The following UBAC2 variants were observed in gnomAD, a reference collection of about 807,000 sequenced individuals.
The protein encoded by UBAC2 is UBA domain containing 2.
Under a neutral mutation model 44.0 loss-of-function variants are expected in UBAC2, and 26 were observed. The ratio of observed to expected loss-of-function variants is 0.59; its 90% CI spans 0.43 to 0.82. The LOEUF is 0.82. UBAC2 is among the 40% of genes least tolerant of loss of function. UBAC2 has a pLI of 0.00. For synonymous variants in UBAC2, 155 were observed against 154.3 expected (o/e 1.00, Z -0.04); for missense variants, 329 against 419.4 (o/e 0.78, Z 1.88).
intron 6 of UBAC2, among the ~76,000 whole-genome samples, chr13:99,323,786 C>T (rs1282608190): frequency 6.6e-6 from 1 of 152,190 alleles, no homozygotes; most frequent in Non-Finnish European, 1.5e-5. Flanking sequence ...GCAATTGCAA[C>T]TCAGGCCCAG....
chr13:99,263,816 TACAC>T (rs1182657040), intron 4 of UBAC2, among the ~76,000 whole-genome samples: 1 of 152,208 alleles, frequency 6.6e-6, no homozygotes, highest in African/African-American at 2.4e-5. Context: ...CAATTGATGA[TACAC>T]AGGGCAGATA....
At chr13:99,313,830 A>G (rs192385643) in intron 4 of UBAC2, among the ~76,000 whole-genome samples, 5 of 152,332 alleles carry the variant, frequency 3.3e-5, no homozygotes, top group Admixed American at 2.0e-4. Context: ...CATAGCCTCC[A>G]CTTTTCTCAC....
chr13:99,235,841 G>A (rs1594029628), intron 1 of UBAC2, among the ~76,000 whole-genome samples: 1 of 152,058 alleles, frequency 6.6e-6, no homozygotes. Flanking sequence ...GGTGGCTTGT[G>A]CCTGTAGTCC....
chr13:99,304,369 G>A (rs1430280023), intron 4 of UBAC2, among the ~76,000 whole-genome samples: 2 of 152,116 alleles, frequency 1.3e-5, no homozygotes, highest in African/African-American at 2.4e-5. Context: ...GAAAGGCAGT[G>A]TGGGTGTATT....
chr13:99,229,336 A>G (rs2043147392), intron 1 of UBAC2, among the ~76,000 whole-genome samples: 1 of 152,232 alleles, frequency 6.6e-6, no homozygotes, highest in African/African-American at 2.4e-5. Flanking sequence ...CTAATAAGGA[A>G]GGCATTGATG....
chr13:99,259,457 G>C (rs902157450), intron 4 of UBAC2, among the ~76,000 whole-genome samples: 1 of 151,796 alleles, frequency 6.6e-6, no homozygotes, highest in African/African-American at 2.4e-5. Flanking sequence ...CTGCCAGAAT[G>C]ATGGGTTTTA....
chr13:99,229,698 TG>T (rs1295193980), intron 1 of UBAC2, among the ~76,000 whole-genome samples: 1 of 152,182 alleles, frequency 6.6e-6, no homozygotes, highest in Non-Finnish European at 1.5e-5. Context: ...TAATAATCAA[TG>T]GGGAAAATTT....
At chr13:99,345,359 T>C (rs2138841927) in intron 7 of UBAC2, among the ~76,000 whole-genome samples, 1 of 151,058 alleles carries the variant, frequency 6.6e-6, no homozygotes, top group Non-Finnish European at 1.5e-5. Flanking sequence ...CAGTGTAAGA[T>C]GGACGGGGGA....
At position 99,263,174 on chromosome 13, in the gene UBAC2, T is replaced by C. The variant is rs527700500; in HGVS notation, c.389+18550T>C. Among the ~76,000 whole-genome samples the C allele has an allele frequency of 3.3e-5, 5 of 152,340 alleles. No homozygotes were observed. In the South Asian group the frequency reaches 1.0e-3, roughly 32 times the overall value. ...GGCCCTACTTAATAGAGAATCATCA[T>C]AAATGGTAATTTGACTTATAGCAAA... On this transcript the variant is annotated intron_variant, in intron 4 of 8. Coordinates refer to ENST00000403766, the MANE Select transcript of UBAC2 (RefSeq NM_001144072.2).
At chr13:99,230,284 C>G (rs976968131) in intron 1 of UBAC2, among the ~76,000 whole-genome samples, 5 of 151,746 alleles carry the variant, frequency 3.3e-5, no homozygotes, top group African/African-American at 1.2e-4. Flanking sequence ...GGCAACATGG[C>G]AAAACCCTGT....
At chr13:99,335,379 T>G (rs1412457617) in intron 6 of UBAC2, among the ~76,000 whole-genome samples, 1 of 92,454 alleles carries the variant, frequency 1.1e-5, no homozygotes, top group Non-Finnish European at 2.6e-5. Context: ...TTCATTACTG[T>G]TTTTTTTTTT....
intron 4 of UBAC2, among the ~76,000 whole-genome samples, chr13:99,273,754 T>C (rs1361798892): frequency 2.6e-5 from 4 of 152,092 alleles, no homozygotes; most frequent in African/African-American, 9.7e-5. Context: ...ATTTCTCTTC[T>C]TGAATTTTTC....
At chr13:99,238,266 A>G (rs2043261845) in intron 1 of UBAC2, among the ~76,000 whole-genome samples, 161 bp from the exon 2 acceptor site, 1 of 152,214 alleles carries the variant, frequency 6.6e-6, no homozygotes, top group African/African-American at 2.4e-5. Context: ...TTACATCCCC[A>G]GGTCGATGTT....
chr13:99,216,082 TTGTGTG>T (rs3031384), intron 1 of UBAC2, among the ~76,000 whole-genome samples: 2,739 of 148,724 alleles, frequency 0.018, 73 homozygotes, highest in African/African-American at 0.058. Context: ...CAACCTATAT[TTGTGTG>T]TGTGTGTGTG....
At chr13:99,296,284 TAA>T (rs1378906941) in intron 4 of UBAC2, 1 of 687,062 alleles carries the variant, frequency 1.5e-6, no homozygotes, top group Non-Finnish European at 2.2e-6. Flanking sequence ...TTTATATATC[TAA>T]GTTTTAAAAT....
At chr13:99,317,641 C>T (rs1429263900) in intron 5 of UBAC2, among the ~76,000 whole-genome samples, 1 of 152,090 alleles carries the variant, frequency 6.6e-6, no homozygotes, top group Non-Finnish European at 1.5e-5. Context: ...ACATCATTGC[C>T]AAGCATGGGA....
At chr13:99,324,989 T>C (rs2044618541) in intron 6 of UBAC2, among the ~76,000 whole-genome samples, 1 of 152,004 alleles carries the variant, frequency 6.6e-6, no homozygotes, top group Admixed American at 6.6e-5. Context: ...TCAGAATGTG[T>C]CCTTATCATT....
At chr13:99,213,252 G>A (rs917220108) in intron 1 of UBAC2, among the ~76,000 whole-genome samples, 4 of 150,098 alleles carry the variant, frequency 2.7e-5, no homozygotes, top group African/African-American at 9.8e-5. Flanking sequence ...ATGGGATTTC[G>A]CCATTTGGGC....
At chr13:99,351,018 C>G (rs921103801) in intron 7 of UBAC2, among the ~76,000 whole-genome samples, 1 of 152,144 alleles carries the variant, frequency 6.6e-6, no homozygotes, top group African/African-American at 2.4e-5. Context: ...TGTTTTTCTT[C>G]AGAGCCATGC....
Sources: gnomAD v4.1 joint callset for allele counts (sites outside exome capture counted in the v4.1 genomes callset) on GRCh38, gnomAD v4.1.1 for gene constraint, MANE v1.5 for transcripts, NCBI Gene and HGNC (gene_info 2026-07-23, HGNC 2026-07-21) for gene names.